Variants in ATXN7L1 observed in about 807,000 individuals in gnomAD.
ATXN7L1 encodes ataxin-7-like protein 1.
Under a neutral mutation model 70.8 loss-of-function variants are expected in ATXN7L1, and 15 were observed. The ratio of observed to expected loss-of-function variants is 0.21; its 90% CI spans 0.14 to 0.33. ATXN7L1 has a LOEUF of 0.33. Among genes scored for constraint, ATXN7L1 ranks in the 10% least tolerant of loss-of-function variants. The pLI is 1.00. For missense variants in ATXN7L1, 975 were observed against 1,097.1 expected (o/e 0.89, Z 1.57); for synonymous variants, 440 against 445.1 (o/e 0.99, Z 0.14).
Position 105,643,135 on chromosome 7 carries a change from G to C in ATXN7L1, c.579-14C>G. 1 of 1,495,958 alleles carries C rather than the reference G, an allele frequency of 6.7e-7. No homozygotes were observed. The highest frequency in any genetic ancestry group is 1.3e-5 in the South Asian group (1 of 74,496). The allele number at this position is 1,495,958 out of a possible 1,614,324, so 92.7% of individuals were successfully genotyped here. On this transcript the variant is annotated splice_polypyrimidine_tract_variant and intron_variant, in intron 4 of 11. Transcript: ENST00000419735. ...GGAACTGGAACACTGAAAAATAAAT[G>C]AACAAACACACACAATTGTCTTCTT...
At chr7:105,866,276 C>T (rs941574286) in intron 2 of ATXN7L1, among the ~76,000 whole-genome samples, 2 of 152,208 alleles carry the variant, frequency 1.3e-5, no homozygotes, top group African/African-American at 4.8e-5. Context: ...CATCGACTCA[C>T]TTTTATCTTC....
intron 3 of ATXN7L1, among the ~76,000 whole-genome samples, chr7:105,696,536 G>A (rs1216731332): frequency 6.6e-6 from 1 of 152,202 alleles, no homozygotes; most frequent in Non-Finnish European, 1.5e-5. Flanking sequence ...GCATAATAAG[G>A]AAAGATAGGG....
At chr7:105,715,459 T>A (rs376970255) in intron 3 of ATXN7L1, among the ~76,000 whole-genome samples, 2 of 152,360 alleles carry the variant, frequency 1.3e-5, no homozygotes. Context: ...CCTAGCATCC[T>A]TTACAACAGC....
chr7:105,845,002 T>C (rs1813768500), intron 2 of ATXN7L1, among the ~76,000 whole-genome samples: 1 of 151,872 alleles, frequency 6.6e-6, no homozygotes, highest in Non-Finnish European at 1.5e-5. Context: ...GTCAGAAGTT[T>C]GAGACCAGCC....
intron 3 of ATXN7L1, among the ~76,000 whole-genome samples, chr7:105,751,510 C>G (rs1008343021): frequency 6.6e-6 from 1 of 152,028 alleles, no homozygotes; most frequent in African/African-American, 2.4e-5. Context: ...GTGGTGCATG[C>G]CTGTAGTTCC....
chr7:105,607,784 C>T lies in ATXN7L1; in HGVS notation c.*68G>A. 7.0e-7 allele frequency: 1 copy of T among 1,430,052 alleles called. No homozygotes were observed. The highest frequency in any genetic ancestry group is 9.6e-7 in the Non-Finnish European group (1 of 1,036,278). The allele number at this position is 1,430,052 out of a possible 1,614,324, so 88.6% of individuals were successfully genotyped here. On this transcript the variant is annotated 3_prime_UTR_variant, in exon 12 of 12. Transcript: ENST00000419735. ...CCCCAGCCCACTCCCCTCCCTCCTCCTCCCCATGGCCTCCTCGGATGGGAT... is the reference window on the plus strand; with the variant it reads ...CCCCAGCCCACTCCCCTCCCTCCTCTTCCCCATGGCCTCCTCGGATGGGAT...
intron 3 of ATXN7L1, among the ~76,000 whole-genome samples, chr7:105,768,256 T>C (rs1307059473): frequency 6.6e-6 from 1 of 152,254 alleles, no homozygotes; most frequent in Non-Finnish European, 1.5e-5. Context: ...TTTCTAATAA[T>C]AACCTTGGTA....
intron 4 of ATXN7L1, among the ~76,000 whole-genome samples, chr7:105,661,430 C>A (rs1041762767): frequency 6.6e-6 from 1 of 152,128 alleles, no homozygotes; most frequent in African/African-American, 2.4e-5. Context: ...GGGACTAACT[C>A]TTTAATTCAG....
At chr7:105,651,976 T>C (rs986077758) in intron 4 of ATXN7L1, among the ~76,000 whole-genome samples, 4 of 152,162 alleles carry the variant, frequency 2.6e-5, no homozygotes, top group African/African-American at 9.7e-5. Flanking sequence ...CTCTTGTACT[T>C]CTGTTATTCA....
intron 2 of ATXN7L1, among the ~76,000 whole-genome samples, chr7:105,830,126 C>T (rs1420658224): frequency 3.9e-5 from 6 of 152,208 alleles, no homozygotes; most frequent in African/African-American, 1.2e-4. Context: ...ATTTATCCTA[C>T]TAGGTCACGA....
At chr7:105,867,713 GA>G (rs1269027728) in intron 2 of ATXN7L1, among the ~76,000 whole-genome samples, 1 of 152,252 alleles carries the variant, frequency 6.6e-6, no homozygotes, top group East Asian at 1.9e-4. Flanking sequence ...CACATGGACA[GA>G]TATTGGCAGA....
At chr7:105,781,409 A>C (rs1271487002) in intron 3 of ATXN7L1, among the ~76,000 whole-genome samples, 1 of 152,168 alleles carries the variant, frequency 6.6e-6, no homozygotes, top group Non-Finnish European at 1.5e-5. Context: ...AGTAATAAAA[A>C]ATTTTTTTCC....
chr7:105,735,355 T>A (rs1291947418), intron 3 of ATXN7L1, among the ~76,000 whole-genome samples: 1 of 152,202 alleles, frequency 6.6e-6, no homozygotes, highest in Admixed American at 6.5e-5. Flanking sequence ...TTCCATCAAG[T>A]TATGCGCTAA....
chr7:105,785,096 G>A (rs115179680), intron 3 of ATXN7L1, among the ~76,000 whole-genome samples: 247 of 152,352 alleles, frequency 1.6e-3, no homozygotes, highest in African/African-American at 5.7e-3. Flanking sequence ...GACCTCCTAA[G>A]CCTTAGCTTC....
chr7:105,699,287 C>A (rs946674936), intron 3 of ATXN7L1, among the ~76,000 whole-genome samples: 1 of 152,176 alleles, frequency 6.6e-6, no homozygotes, highest in African/African-American at 2.4e-5. Context: ...CATGCACCAT[C>A]ACGCCCAGCT....
chr7:105,703,048 G>A (rs1283783093), intron 3 of ATXN7L1, among the ~76,000 whole-genome samples: 3 of 152,126 alleles, frequency 2.0e-5, no homozygotes, highest in African/African-American at 4.8e-5. Context: ...CCTAGGAGGC[G>A]GAGCTTGCAG....
chr7:105,664,588 T>TATATATATATATATATATA (rs1388359970), intron 4 of ATXN7L1, among the ~76,000 whole-genome samples: 7 of 147,706 alleles, frequency 4.7e-5, no homozygotes, highest in East Asian at 2.0e-4. Flanking sequence ...TATATATATA[T>TATATATATATATATATATA]TTGAGACAGA....
chr7:105,612,461 C>T (rs945852881), intron 10 of ATXN7L1, among the ~76,000 whole-genome samples: 6 of 152,140 alleles, frequency 3.9e-5, no homozygotes, highest in African/African-American at 1.4e-4. Context: ...CCCAGGCCTG[C>T]TGATTGAGAA....
At chr7:105,651,396 T>C (rs1277918839) in intron 4 of ATXN7L1, among the ~76,000 whole-genome samples, 1 of 152,238 alleles carries the variant, frequency 6.6e-6, no homozygotes, top group East Asian at 1.9e-4. Context: ...GATCCCAGCA[T>C]CTGCTCTCAT....
Sources: allele counts gnomAD v4.1 joint callset (sites outside exome capture counted in the v4.1 genomes callset), GRCh38; gene constraint gnomAD v4.1.1; transcripts MANE v1.5; gene names NCBI Gene and HGNC (gene_info 2026-07-23, HGNC 2026-07-21).